The following RANBP10 variants were observed in gnomAD, a reference collection of about 807,000 sequenced individuals.
RANBP10 encodes the protein RAN binding protein 10.
RANBP10 carries 24 observed loss-of-function variants against 72.8 expected under a neutral mutation model. That is an observed-to-expected ratio of 0.33 (90% CI 0.24 to 0.46). RANBP10 has a LOEUF of 0.46. Ranked by LOEUF, RANBP10 falls within the 20% of genes least tolerant of loss-of-function variation. The pLI is 1.00. For synonymous variants in RANBP10, 310 were observed against 322.3 expected (o/e 0.96, Z 0.41); for missense variants, 679 against 817.5 (o/e 0.83, Z 2.07).
chr16:67,726,589 G>A (rs1467634893), intron 13 of RANBP10, 31 bp from the exon 14 acceptor site: 1 of 1,537,958 alleles, frequency 6.5e-7, no homozygotes. Context: ...CTGGTCACTG[G>A]CCTGCCCAGG....
At chr16:67,741,736 CT>C (rs1321428513) in intron 4 of RANBP10, among the ~76,000 whole-genome samples, 1 of 152,150 alleles carries the variant, frequency 6.6e-6, no homozygotes, top group Non-Finnish European at 1.5e-5. Flanking sequence ...TGGCACATGA[CT>C]AAGAATTATG....
chr16:67,803,675 AG>A (rs1278800540), intron 2 of RANBP10, among the ~76,000 whole-genome samples: 2 of 147,340 alleles, frequency 1.4e-5, no homozygotes, highest in African/African-American at 5.1e-5. Flanking sequence ...AAAAAAAATT[AG>A]CCAGGCGTGG....
In RANBP10 at chr16:67,794,041, C is replaced by T. The variant is rs192260592; in HGVS notation, c.347+11387G>A. On this transcript the variant is annotated intron_variant, in intron 2 of 13. Coordinates refer to ENST00000317506, the MANE Select transcript of RANBP10 (RefSeq NM_020850.3). ...TCTACAGAAGTATTCTATCACACCCCGCTCATTTTTAAAAATGTTTCGTAG... is the reference window on the plus strand; with the variant it reads ...TCTACAGAAGTATTCTATCACACCCTGCTCATTTTTAAAAATGTTTCGTAG... Among the ~76,000 whole-genome samples the T allele has an allele frequency of 2.5e-3, 374 of 152,022 alleles. 2 individuals are homozygous for T. Among genetic ancestry groups the T allele is most frequent in the Non-Finnish European group, 3.6e-3 (242 of 67,974 alleles).
At position 67,806,403 on chromosome 16, in the gene RANBP10, G is replaced by A. The variant is rs1179429694; in HGVS notation, c.134C>T (p.Ala45Val). The change falls in exon 1 of 14, where the codon GCG becomes GTG. Residue 45 changes from alanine (A) to valine (V), a missense_variant. Ala to Val is a moderately conservative substitution (Grantham distance 64). Transcript: ENST00000317506. ...LSRRLQRLYP[A>V]VNQQETPLPR... ...CAGCGGAGTCTCTTGCTGGTTGACC[G>A]CGGGATACAGGCGCTGCAAGCGCCG... 10 of 1,608,328 alleles carry A rather than the reference G, an allele frequency of 6.2e-6. No homozygotes were observed. The highest frequency in any genetic ancestry group is 2.2e-5 in the East Asian group (1 of 44,530).
At chr16:67,745,323 CTCTTT>C (rs1438740187) in intron 3 of RANBP10, among the ~76,000 whole-genome samples, 6 of 151,044 alleles carry the variant, frequency 4.0e-5, no homozygotes, top group African/African-American at 1.2e-4. Flanking sequence ...GTAAGATTCT[CTCTTT>C]TATTTTTATT....
chr16:67,785,498 C>T (rs960718556), intron 2 of RANBP10, among the ~76,000 whole-genome samples: 4 of 151,990 alleles, frequency 2.6e-5, no homozygotes, highest in African/African-American at 4.8e-5. Flanking sequence ...GAGGCTGAGG[C>T]AGGCGGACCA....
At chr16:67,766,357 C>A (rs576539087) in intron 3 of RANBP10, among the ~76,000 whole-genome samples, 1 of 152,164 alleles carries the variant, frequency 6.6e-6, no homozygotes, top group Non-Finnish European at 1.5e-5. Context: ...CAATGAATAA[C>A]GGCAAGCTGA....
At chr16:67,794,377 G>A (rs1032112744) in intron 2 of RANBP10, among the ~76,000 whole-genome samples, 4 of 151,592 alleles carry the variant, frequency 2.6e-5, no homozygotes, top group Admixed American at 1.3e-4. Context: ...GCGGAGGTTG[G>A]AGTGAGCCGA....
rs8062172 is a variant in RANBP10, at chr16:67,769,463, G to C, written c.400+2571C>G. On this transcript the variant is annotated intron_variant, in intron 3 of 13. Transcript: ENST00000317506. ...TGTCTCAAAAAAAAAAAAAAAAAAA[G>C]TGCTGGGCGCAGTGGCTCACGCCTG... Among the ~76,000 whole-genome samples the C allele has an allele frequency of 2.8e-5, 3 of 107,808 alleles. 1 individual carries two copies. Among genetic ancestry groups the C allele is most frequent in the African/African-American group, 3.3e-5 (1 of 29,922 alleles). 70.7% of individuals were successfully genotyped at this position (107,808 alleles called of 152,430 possible).
intron 3 of RANBP10, among the ~76,000 whole-genome samples, chr16:67,767,818 G>GATCTC (rs1567698317): frequency 6.6e-6 from 1 of 151,940 alleles, no homozygotes; most frequent in Non-Finnish European, 1.5e-5. Context: ...GGATGGTCTT[G>GATCTC]ATCTCCTGAC....
At chr16:67,762,943 T>C (rs996448610) in intron 3 of RANBP10, among the ~76,000 whole-genome samples, 10 of 151,998 alleles carry the variant, frequency 6.6e-5, no homozygotes, top group African/African-American at 2.2e-4. Flanking sequence ...ATCCCAGACA[T>C]GGTCAGGGCT....
Position 67,730,137 on chromosome 16 carries a change from C to G in RANBP10, c.890-91G>C. ...GATGCTGCCAGCCTCAGGGTAGGGT[C>G]CGGCTCAGAGTGCCTCGCCAGCTTG... On this transcript the variant is annotated intron_variant, in intron 7 of 13. Coordinates refer to ENST00000317506, the MANE Select transcript of RANBP10 (RefSeq NM_020850.3). This position sits in a 1 kb window ranked among gnomAD's most constrained non-coding sequence, Gnocchi z 4.3. 8.0e-7 allele frequency: 1 copy of G among 1,245,500 alleles called. No homozygotes were observed. The highest frequency in any genetic ancestry group is 1.2e-5 in the South Asian group (1 of 80,502). The allele number at this position is 1,245,500 out of a possible 1,614,324, so 77.2% of individuals were successfully genotyped here.
chr16:67,746,926 C>T (rs9925393), intron 3 of RANBP10, among the ~76,000 whole-genome samples: 20,179 of 152,178 alleles, frequency 0.13, 2,598 homozygotes, highest in African/African-American at 0.34. Context: ...TCTATCTGTT[C>T]ATACACCAGT....
At position 67,792,748 on chromosome 16, in the gene RANBP10, AC is replaced by A. The variant is rs1399067128; in HGVS notation, c.347+12679del. Among the ~76,000 whole-genome samples, 6 of 149,108 alleles carry A rather than the reference AC, an allele frequency of 4.0e-5. No homozygotes were observed. The East Asian group carries it at 9.8e-4, about 24-fold the overall frequency. On this transcript the variant is annotated intron_variant, in intron 2 of 13. Transcript: ENST00000317506. ...CAGTGAGCCAAGATCACACCACCGCACTCCAGCCTGGCAACAGAGCAAGACT... is the reference window on the plus strand; with the variant it reads ...CAGTGAGCCAAGATCACACCACCGCATCCAGCCTGGCAACAGAGCAAGACT...
At chr16:67,737,745 C>T (rs2053882633) in intron 5 of RANBP10, among the ~76,000 whole-genome samples, 1 of 152,084 alleles carries the variant, frequency 6.6e-6, no homozygotes, top group Non-Finnish European at 1.5e-5. Context: ...CATTCCACCA[C>T]CCTACCCGCC....
chr16:67,731,397 C>T, intron 7 of RANBP10, 75 bp downstream of exon 7: 3 of 1,300,648 alleles, frequency 2.3e-6, no homozygotes, highest in Admixed American at 1.7e-5. Context: ...ACAGGTTAAC[C>T]AGGGTTGACA....
At chr16:67,751,990 AAAAG>A (rs1290549280) in intron 3 of RANBP10, among the ~76,000 whole-genome samples, 2 of 152,218 alleles carry the variant, frequency 1.3e-5, no homozygotes, top group African/African-American at 2.4e-5. Flanking sequence ...TTAAAAAAAA[AAAAG>A]AATCAATTCA....
chr16:67,771,663 G>A (rs1010231471), intron 3 of RANBP10, among the ~76,000 whole-genome samples: 31 of 152,258 alleles, frequency 2.0e-4, no homozygotes, highest in African/African-American at 5.1e-4. Flanking sequence ...TCTTTAACAC[G>A]ATGAAGTAAC....
At chr16:67,793,232 T>C (rs2055061866) in intron 2 of RANBP10, among the ~76,000 whole-genome samples, 2 of 151,990 alleles carry the variant, frequency 1.3e-5, no homozygotes, top group African/African-American at 4.8e-5. Context: ...CAAATGTCCT[T>C]TGGTACACAG....
Sources: allele counts gnomAD v4.1 joint callset (sites outside exome capture counted in the v4.1 genomes callset), GRCh38; gene constraint gnomAD v4.1.1; non-coding constraint Gnocchi (gnomAD v3.1); transcripts MANE v1.5; gene names NCBI Gene and HGNC (gene_info 2026-07-23, HGNC 2026-07-21).